Variants in PRH1 observed in about 807,000 individuals in gnomAD.
PRH1 encodes proline rich protein HaeIII subfamily 1.
PRH1 carries 7 observed loss-of-function variants against 7.9 expected under a neutral mutation model. The observed-to-expected ratio is 0.89, with a 90% CI of 0.50 to 1.67. The LOEUF (loss-of-function observed/expected upper bound fraction) is 1.67. Among genes scored for constraint, PRH1 ranks in the 40% most tolerant of loss-of-function variants. The pLI, the probability that PRH1 is intolerant of heterozygous loss-of-function variation, is 0.00. For missense variants in PRH1, 109 were observed against 223.6 expected (o/e 0.49, Z 3.27); for synonymous variants, 45 against 80.8 (o/e 0.56, Z 2.38).
At chr12:10,967,824 G>C (rs1938582508) in intron 2 of PRH1, among the ~76,000 whole-genome samples, 3 of 152,100 alleles carry the variant, frequency 2.0e-5, no homozygotes, top group Admixed American at 2.0e-4. Flanking sequence ...TGTAGAAATG[G>C]GGCTCTTTGC....
chr12:11,107,646 C>T (rs1045417800), intron 1 of PRH1, among the ~76,000 whole-genome samples: 1 of 152,162 alleles, frequency 6.6e-6, no homozygotes, highest in Non-Finnish European at 1.5e-5. Context: ...TTCAAAGCTT[C>T]CTTCAAAGCT....
chr12:11,143,697 G>C (rs2136401062), intron 1 of PRH1, among the ~76,000 whole-genome samples: 1 of 152,260 alleles, frequency 6.6e-6, no homozygotes, highest in Non-Finnish European at 1.5e-5. Flanking sequence ...ACTAATATTA[G>C]ACAAAATAGA....
At chr12:11,064,952 G>A (rs761033075) in intron 1 of PRH1, among the ~76,000 whole-genome samples, 5 of 152,042 alleles carry the variant, frequency 3.3e-5, no homozygotes, top group Non-Finnish European at 4.4e-5. Flanking sequence ...TGGGAGGATG[G>A]TTTGATCCCG....
chr12:11,081,220 T>C (rs74937773), intron 1 of PRH1, among the ~76,000 whole-genome samples: 44,657 of 97,106 alleles, frequency 0.46, 7,626 homozygotes, highest in Non-Finnish European at 0.56. Context: ...AGCTATCTTC[T>C]AATTCACTTA....
At chr12:11,111,968 G>A (rs1036839814) in intron 1 of PRH1, among the ~76,000 whole-genome samples, 1 of 152,026 alleles carries the variant, frequency 6.6e-6, no homozygotes, top group Non-Finnish European at 1.5e-5. Context: ...TAATAAAGGA[G>A]ATATTACCAC....
At chr12:11,055,845 T>G (rs915937622) in intron 1 of PRH1, among the ~76,000 whole-genome samples, 2 of 147,720 alleles carry the variant, frequency 1.4e-5, no homozygotes, top group Non-Finnish European at 3.0e-5. Flanking sequence ...ACGACCACTG[T>G]TGATTCACCT....
intron 1 of PRH1, among the ~76,000 whole-genome samples, chr12:10,995,635 G>A (rs907180525): frequency 1.3e-5 from 2 of 152,002 alleles, no homozygotes; most frequent in African/African-American, 4.8e-5. Flanking sequence ...TTTAAAGTAA[G>A]GAAAATTTGA....
chr12:10,903,511 A>G (rs112981266), intron 2 of PRH1, among the ~76,000 whole-genome samples: 15 of 152,182 alleles, frequency 9.9e-5, no homozygotes, highest in Middle Eastern at 3.4e-3. Context: ...ATAATTAGGC[A>G]TTGAAGGAAC....
intron 1 of PRH1, among the ~76,000 whole-genome samples, chr12:11,035,182 G>A (rs1942384154): frequency 6.6e-6 from 1 of 151,844 alleles, no homozygotes; most frequent in Non-Finnish European, 1.5e-5. Flanking sequence ...AAGTCTGATA[G>A]TTTCTAAAAA....
At chr12:11,021,876 G>T in intron 1 of PRH1, 1 of 1,614,234 alleles carries the variant, frequency 6.2e-7, no homozygotes, top group Middle Eastern at 1.6e-4. Context: ...TGAGGAAGGA[G>T]GTCACAGTTT....
intron 1 of PRH1, among the ~76,000 whole-genome samples, chr12:11,036,514 G>A (rs1565578750): frequency 6.6e-6 from 1 of 152,184 alleles, no homozygotes; most frequent in Non-Finnish European, 1.5e-5. Flanking sequence ...ATAAAAGCGT[G>A]CTCAAAAAAT....
At chr12:11,101,661 TA>T (rs1945251400) in intron 1 of PRH1, among the ~76,000 whole-genome samples, 1 of 152,198 alleles carries the variant, frequency 6.6e-6, no homozygotes, top group African/African-American at 2.4e-5. Context: ...TAACATTTTT[TA>T]TTGTGGAGCA....
chr12:11,147,724 A>C (rs1946910773), intron 1 of PRH1, among the ~76,000 whole-genome samples: 1 of 152,192 alleles, frequency 6.6e-6, no homozygotes, highest in Non-Finnish European at 1.5e-5. Context: ...ACATTAGCTA[A>C]AAGTGCTAGA....
At chr12:10,942,634 C>T (rs1470105889) in intron 2 of PRH1, among the ~76,000 whole-genome samples, 1 of 152,180 alleles carries the variant, frequency 6.6e-6, no homozygotes, top group Non-Finnish European at 1.5e-5. Flanking sequence ...GGCTACCCAC[C>T]TCCTAGCTGT....
chr12:11,145,733 C>T (rs1330910821), intron 1 of PRH1, among the ~76,000 whole-genome samples: 1 of 149,442 alleles, frequency 6.7e-6, no homozygotes, highest in African/African-American at 2.5e-5. Flanking sequence ...CTTAAGCCAG[C>T]ATTGCCTAAA....
At chr12:11,106,199 C>G (rs1945409416) in intron 1 of PRH1, among the ~76,000 whole-genome samples, 1 of 46,908 alleles carries the variant, frequency 2.1e-5, no homozygotes, top group African/African-American at 6.0e-5. Flanking sequence ...CTCGGCCTCC[C>G]AAAGTGCTGG....
intron 1 of PRH1, among the ~76,000 whole-genome samples, chr12:11,066,741 G>A (rs11531976): frequency 0.21 from 29,892 of 141,384 alleles, no homozygotes; most frequent in East Asian, 0.46. Context: ...GTTCAGGGTA[G>A]TGAGAGAACC....
intron 1 of PRH1, among the ~76,000 whole-genome samples, chr12:11,140,932 C>G (rs986813379): frequency 1.3e-4 from 19 of 151,962 alleles, no homozygotes; most frequent in Non-Finnish European, 4.4e-5. Flanking sequence ...ACTTTTCCTA[C>G]CAAAAGCATT....
At chr12:11,086,092 A>T (rs1265940557) in intron 1 of PRH1, among the ~76,000 whole-genome samples, 1 of 57,898 alleles carries the variant, frequency 1.7e-5, no homozygotes, top group Non-Finnish European at 3.9e-5. Flanking sequence ...AAGCTCATTA[A>T]CATAAACACA....
Sources: gnomAD v4.1 joint callset for allele counts (sites outside exome capture counted in the v4.1 genomes callset) on GRCh38, gnomAD v4.1.1 for gene constraint, MANE v1.5 for transcripts, NCBI Gene and HGNC (gene_info 2026-07-23, HGNC 2026-07-21) for gene names.